The following ZDHHC21 variants were observed in gnomAD, a reference collection of about 807,000 sequenced individuals.
ZDHHC21 encodes zDHHC palmitoyltransferase 21.
In ZDHHC21, 15 loss-of-function variants were observed where a neutral mutation model predicts 34.6. The observed-to-expected ratio is 0.43, with a 90% CI of 0.29 to 0.67. The LOEUF is 0.67. ZDHHC21 is among the 30% of genes least tolerant of loss of function. The pLI is 0.14. For synonymous variants in ZDHHC21, 142 were observed against 101.8 expected, an observed-to-expected ratio of 1.40 and a Z score of -2.38; for missense variants, 344 against 327.7, an observed-to-expected ratio of 1.05 and a Z score of -0.38.
At chr9:14,654,021 CT>C in intron 7 of ZDHHC21, among the ~76,000 whole-genome samples, 1 of 152,074 alleles carries the variant, frequency 6.6e-6, no homozygotes, top group Middle Eastern at 3.4e-3. Flanking sequence ...TTCTGCACTG[CT>C]TTTTATCTGA....
At chr9:14,670,843 T>C (rs556446440) in intron 5 of ZDHHC21, among the ~76,000 whole-genome samples, 2 of 152,166 alleles carry the variant, frequency 1.3e-5, no homozygotes, top group South Asian at 4.1e-4. Flanking sequence ...TTTTGCCTTG[T>C]GTAGCAAGAA....
At chr9:14,596,530 G>T in the ZDHHC21 span, among the ~76,000 whole-genome samples, 115,282 of 152,084 alleles carry the variant, frequency 0.76, 44,467 homozygotes, top group African/African-American at 0.91. Flanking sequence ...TCACTGGTCC[G>T]GTAGGAAAAG....
chr9:14,610,498 T>C (rs2133353872), downstream of ZDHHC21, among the ~76,000 whole-genome samples: 1 of 152,144 alleles, frequency 6.6e-6, no homozygotes, highest in Non-Finnish European at 1.5e-5. Flanking sequence ...TTTCTGGTAA[T>C]AAAATTTTTA....
In ZDHHC21 at chr9:14,658,528, T is replaced by C. The variant is rs563781151; in HGVS notation, c.504+221A>G. ...CGCTGTCGCCCAGGTTGGAGTGCAG[T>C]GGCGCAATCTCGGCTCACTGCAGGC... On this transcript the variant is annotated intron_variant, in intron 7 of 9. Transcript: ENST00000380916. 2.1e-3 allele frequency among the ~76,000 whole-genome samples: 259 copies of C among 123,188 alleles called. 1 individual carries two copies. The highest frequency in any genetic ancestry group is 7.6e-3 in the African/African-American group (246 of 32,554). 80.8% of individuals were successfully genotyped at this position (123,188 alleles called of 152,430 possible).
intron 8 of ZDHHC21, among the ~76,000 whole-genome samples, chr9:14,619,964 C>T (rs996921025): frequency 4.0e-5 from 6 of 151,898 alleles, no homozygotes; most frequent in African/African-American, 1.4e-4. Context: ...TTTTATTACA[C>T]TTGCTTTCTT....
chr9:14,681,962 A>C (rs1837457150), intron 2 of ZDHHC21, among the ~76,000 whole-genome samples: 1 of 152,160 alleles, frequency 6.6e-6, no homozygotes, highest in Non-Finnish European at 1.5e-5. Flanking sequence ...TGAAGGAGAA[A>C]TAAAATCCTT....
At chr9:14,655,267 C>G (rs1377669154) in intron 7 of ZDHHC21, among the ~76,000 whole-genome samples, 3 of 151,718 alleles carry the variant, frequency 2.0e-5, no homozygotes, top group African/African-American at 7.3e-5. Context: ...AACAATAAAT[C>G]CTTCAAAAAT....
the ZDHHC21 span, among the ~76,000 whole-genome samples, chr9:14,605,533 T>C: frequency 1.3e-5 from 2 of 151,880 alleles, no homozygotes; most frequent in Non-Finnish European, 2.9e-5. Flanking sequence ...AATCAGTCTT[T>C]ATATGGATTT....
intron 7 of ZDHHC21, among the ~76,000 whole-genome samples, chr9:14,657,707 T>C (rs569928870): frequency 1.3e-5 from 2 of 152,310 alleles, no homozygotes; most frequent in African/African-American, 2.4e-5. Flanking sequence ...GCCCATAGTT[T>C]GCCAATACTG....
chr9:14,647,753 A>G (rs10738375), intron 7 of ZDHHC21, among the ~76,000 whole-genome samples: 151,183 of 152,256 alleles, frequency 0.99, 75,065 homozygotes, highest in Middle Eastern at 1. Context: ...CACCTTTCTT[A>G]TTACCTTTCG....
rs1564183205 is a variant in ZDHHC21 at position 14,617,104 on chromosome 9, T to C, written c.*1862A>G. On this transcript the variant is annotated 3_prime_UTR_variant, in exon 10 of 10. Transcript: ENST00000380916. ...TCAACTGATATCTACCTACCTTATC[T>C]ATATATTACTTCCTTATGAACAGTT... 6.6e-6 allele frequency: 1 copy of C among 151,970 alleles called. No homozygotes were observed. Among genetic ancestry groups the C allele is most frequent in the Non-Finnish European group, 1.5e-5 (1 of 67,890 alleles). 9.4% of individuals were successfully genotyped at this position (151,970 alleles called of 1,614,324 possible).
In ZDHHC21 at chr9:14,619,674, T is replaced by C. The variant is rs751712663; in HGVS notation, c.630A>G (p.Thr210=). Residue 210 remains threonine (T), a synonymous_variant, in exon 9 of 10, where the codon ACA becomes ACG. Transcript: ENST00000380916. ...AACAGTTTGACATCTTTTCAATAGA[T>C]GTTGTATCCTATTAAAAATAAAAAA... ...TQLIGIITDT[T]SIEKMSNCCE... 1 of 1,390,976 alleles carries C rather than the reference T, an allele frequency of 7.2e-7. No homozygotes were observed. The highest frequency in any genetic ancestry group is 9.9e-7 in the Non-Finnish European group (1 of 1,009,756). 86.2% of individuals were successfully genotyped at this position (1,390,976 alleles called of 1,614,324 possible).
At chr9:14,640,681 A>T (rs1829227057) in intron 7 of ZDHHC21, among the ~76,000 whole-genome samples, 1 of 152,146 alleles carries the variant, frequency 6.6e-6, no homozygotes, top group Admixed American at 6.5e-5. Flanking sequence ...AGAGAGCTCA[A>T]CTTTGGAAAA....
At chr9:14,651,305 T>TATTATTTAAAATAATATTTAAA (rs1831198954) in intron 7 of ZDHHC21, among the ~76,000 whole-genome samples, 2 of 152,030 alleles carry the variant, frequency 1.3e-5, no homozygotes, top group South Asian at 2.1e-4. Context: ...TTAAATATAT[T>TATTATTTAAAATAATATTTAAA]TAATATTATT....
At chr9:14,674,539 T>C (rs569177392) in intron 3 of ZDHHC21, among the ~76,000 whole-genome samples, 154 bp from the exon 4 acceptor site, 6 of 152,082 alleles carry the variant, frequency 3.9e-5, no homozygotes, top group Admixed American at 2.0e-4. Flanking sequence ...TTTCTTTGTA[T>C]ATATATTTTT....
At chr9:14,678,128 A>G (rs185891206) in intron 3 of ZDHHC21, among the ~76,000 whole-genome samples, 223 of 152,196 alleles carry the variant, frequency 1.5e-3, no homozygotes, top group African/African-American at 5.3e-3. Context: ...GGCCAATTTG[A>G]ATCTCACTCT....
chr9:14,605,900 A>T, the ZDHHC21 span, among the ~76,000 whole-genome samples: 1 of 152,236 alleles, frequency 6.6e-6, no homozygotes, highest in Non-Finnish European at 1.5e-5. Context: ...AAAATGTACA[A>T]AACATTGAAG....
At chr9:14,620,561 G>A (rs1825129167) in intron 8 of ZDHHC21, among the ~76,000 whole-genome samples, 1 of 60,946 alleles carries the variant, frequency 1.6e-5, no homozygotes, top group South Asian at 6.0e-4. Context: ...ATACATAGGT[G>A]GACTTATTTA....
At chr9:14,682,656 G>A (rs1470449503) in intron 2 of ZDHHC21, among the ~76,000 whole-genome samples, 1 of 152,120 alleles carries the variant, frequency 6.6e-6, no homozygotes, top group Non-Finnish European at 1.5e-5. Context: ...AGGATATCCA[G>A]GAATTAAACT....
Sources: allele counts gnomAD v4.1 joint callset (sites outside exome capture counted in the v4.1 genomes callset), GRCh38; gene constraint gnomAD v4.1.1; transcripts MANE v1.5; gene names NCBI Gene and HGNC (gene_info 2026-07-23, HGNC 2026-07-21).